Variants in EPM2A observed in about 807,000 individuals in gnomAD.
EPM2A encodes the protein EPM2A glucan phosphatase, laforin.
Under a neutral mutation model 26.5 loss-of-function variants are expected in EPM2A, and 21 were observed. The observed-to-expected ratio is 0.79, with a 90% CI of 0.56 to 1.14. The LOEUF is 1.14. EPM2A is among the 50% of genes most tolerant of loss of function. The pLI is 0.00. For synonymous variants in EPM2A, 217 were observed against 177.6 expected, an observed-to-expected ratio of 1.22 and a Z score of -1.76; for missense variants, 458 against 440.8, an observed-to-expected ratio of 1.04 and a Z score of -0.35.
chr6:145,735,253 G>C lies in EPM2A; in HGVS notation c.246C>G (p.Asp82Glu). 3.9e-6 allele frequency: 6 copies of C among 1,533,226 alleles called. No homozygotes were observed. The highest frequency in any genetic ancestry group is 5.3e-6 in the Non-Finnish European group (6 of 1,139,236). 95.0% of individuals were successfully genotyped at this position (1,533,226 alleles called of 1,614,324 possible). The change falls in exon 1 of 4, where the codon GAC becomes GAG. Residue 82 changes from aspartate (D) to glutamate (E), a missense_variant. Coordinates refer to ENST00000367519, the MANE Select transcript of EPM2A (RefSeq NM_005670.4). ...GCTTCAGGAACTTGTACCAGAACGTGTCCACGCGGCCCGGCTCCGCCCCGT... is the reference window on the plus strand; with the variant it reads ...GCTTCAGGAACTTGTACCAGAACGTCTCCACGCGGCCCGGCTCCGCCCCGT... ...AQDGAEPGRV[D>E]TFWYKFLKRE...
intron 2 of EPM2A, among the ~76,000 whole-genome samples, chr6:145,645,411 A>G (rs182381129): frequency 6.6e-5 from 10 of 152,072 alleles, no homozygotes; most frequent in Non-Finnish European, 1.0e-4. Flanking sequence ...GGCTCAAGTG[A>G]TCCTCCCACC....
intron 2 of EPM2A, among the ~76,000 whole-genome samples, chr6:145,612,717 ATATATTATATATAT>A (rs1188170953): frequency 6.8e-6 from 1 of 146,864 alleles, no homozygotes; most frequent in Non-Finnish European, 1.5e-5. Context: ...TATTATTTAT[ATATATTATATATAT>A]TATATTATAT....
chr6:145,510,336 T>C (rs1418176745), intron 2 of EPM2A, among the ~76,000 whole-genome samples: 1 of 152,134 alleles, frequency 6.6e-6, no homozygotes, highest in Non-Finnish European at 1.5e-5. Context: ...GACCACATGC[T>C]TAACCATAAA....
chr6:145,678,177 G>A (rs755759252), intron 2 of EPM2A, among the ~76,000 whole-genome samples: 2 of 152,154 alleles, frequency 1.3e-5, no homozygotes, highest in Admixed American at 1.3e-4. Context: ...AAGAAATGGG[G>A]GAAGGATTCC....
chr6:145,541,154 T>C (rs1780503742), intron 2 of EPM2A, among the ~76,000 whole-genome samples: 2 of 145,104 alleles, frequency 1.4e-5, no homozygotes, highest in South Asian at 4.6e-4. Context: ...AATAACTTTT[T>C]AACTATTTGG....
At chr6:145,385,722 G>A (rs1778251382) in intron 4 of EPM2A, among the ~76,000 whole-genome samples, 2 of 152,180 alleles carry the variant, frequency 1.3e-5, no homozygotes, top group South Asian at 2.1e-4. Flanking sequence ...TTAAGACAAT[G>A]AGTAGCTTGA....
At chr6:145,478,556 C>T (rs1395576523) in intron 4 of EPM2A, among the ~76,000 whole-genome samples, 1 of 151,966 alleles carries the variant, frequency 6.6e-6, no homozygotes, top group East Asian at 1.9e-4. Context: ...AACAAAACAA[C>T]ATGGTACTGG....
intron 4 of EPM2A, among the ~76,000 whole-genome samples, chr6:145,482,974 CTGTT>C (rs1381808753): frequency 2.0e-5 from 3 of 151,278 alleles, no homozygotes; most frequent in Admixed American, 1.3e-4. Flanking sequence ...AGAAATAAAA[CTGTT>C]TGTTGTCTTG....
intron 2 of EPM2A, among the ~76,000 whole-genome samples, chr6:145,653,772 G>T (rs564757208): frequency 2.6e-5 from 4 of 152,116 alleles, no homozygotes; most frequent in African/African-American, 9.7e-5. Context: ...AACTTCAACC[G>T]ATTGAGTGAA....
chr6:145,640,943 A>G (rs989846549), intron 2 of EPM2A: 4 of 152,168 alleles, frequency 2.6e-5, no homozygotes, highest in Non-Finnish European at 5.9e-5. Flanking sequence ...AGAAAGTGAT[A>G]CTAATTAGCT....
chr6:145,657,159 G>A (rs900719694), intron 2 of EPM2A, among the ~76,000 whole-genome samples: 5 of 148,736 alleles, frequency 3.4e-5, no homozygotes, highest in African/African-American at 9.9e-5. Context: ...GCAGGACCTC[G>A]GCTCACTGCA....
chr6:145,439,733 A>G (rs779168765), intron 4 of EPM2A, among the ~76,000 whole-genome samples: 1 of 152,124 alleles, frequency 6.6e-6, no homozygotes, highest in Non-Finnish European at 1.5e-5. Context: ...TGTCAGATGC[A>G]TAGTTTGCAA....
intron 1 of EPM2A, among the ~76,000 whole-genome samples, chr6:145,701,900 G>T (rs908003107): frequency 2.6e-5 from 4 of 151,972 alleles, no homozygotes; most frequent in African/African-American, 9.7e-5. Flanking sequence ...CTTGCCAATT[G>T]CCACACACAC....
intron 2 of EPM2A, among the ~76,000 whole-genome samples, chr6:145,564,953 C>T (rs1780863262): frequency 6.6e-6 from 1 of 152,138 alleles, no homozygotes; most frequent in African/African-American, 2.4e-5. Context: ...AGGGCTTGGG[C>T]AGTTCTCAGC....
intron 4 of EPM2A, among the ~76,000 whole-genome samples, chr6:145,467,438 C>A (rs1004612114): frequency 1.3e-5 from 2 of 152,104 alleles, no homozygotes; most frequent in African/African-American, 4.8e-5. Context: ...TACTCTTTTT[C>A]TGTGCAGTCA....
chr6:145,558,639 G>A (rs2114811837), intron 2 of EPM2A, among the ~76,000 whole-genome samples: 1 of 152,088 alleles, frequency 6.6e-6, no homozygotes, highest in Admixed American at 6.6e-5. Flanking sequence ...GATGATTAGT[G>A]ATTTTGAGCA....
chr6:145,654,542 A>G (rs537101245), intron 2 of EPM2A, among the ~76,000 whole-genome samples: 2 of 152,332 alleles, frequency 1.3e-5, no homozygotes, highest in South Asian at 4.1e-4. Flanking sequence ...TTGATCTGCC[A>G]TACTCAAAGT....
chr6:145,489,471 T>C (rs759501483), intron 4 of EPM2A, among the ~76,000 whole-genome samples: 1 of 152,194 alleles, frequency 6.6e-6, no homozygotes, highest in African/African-American at 2.4e-5. Flanking sequence ...GGCATTGAGC[T>C]GGGGAAGAGG....
intron 4 of EPM2A, among the ~76,000 whole-genome samples, chr6:145,422,768 C>T (rs1304927652): frequency 6.6e-6 from 1 of 152,044 alleles, no homozygotes; most frequent in Non-Finnish European, 1.5e-5. Flanking sequence ...TACTATTCCC[C>T]TATTCCTTAG....
Sources: allele counts gnomAD v4.1 joint callset (sites outside exome capture counted in the v4.1 genomes callset), GRCh38; gene constraint gnomAD v4.1.1; transcripts MANE v1.5; gene names NCBI Gene and HGNC (gene_info 2026-07-23, HGNC 2026-07-21).